The following POLR1F variants were observed in gnomAD, a reference collection of about 807,000 sequenced individuals.
POLR1F encodes RNA polymerase I subunit F.
Under a neutral mutation model 21.8 loss-of-function variants are expected in POLR1F, and 23 were observed. The observed-to-expected ratio is 1.05, with a 90% CI of 0.76 to 1.49. The LOEUF (loss-of-function observed/expected upper bound fraction) is 1.49. Ranked by LOEUF, POLR1F falls within the 40% of genes most tolerant of loss-of-function variation. The probability of loss-of-function intolerance (pLI) is 0.00; values close to 1 mark genes in which losing one functional copy is unlikely to be tolerated. For synonymous variants in POLR1F, 162 were observed against 152.8 expected (o/e 1.06, Z -0.45); for missense variants, 435 against 412.1 (o/e 1.06, Z -0.48).
chr7:19,705,833 G>C (rs957168764), intron 1 of POLR1F, among the ~76,000 whole-genome samples: 2 of 152,142 alleles, frequency 1.3e-5, no homozygotes, highest in African/African-American at 4.8e-5. Context: ...GAGCGACAGA[G>C]GGAGACTCCA....
chr7:19,698,222 CT>C lies in POLR1F; in HGVS notation c.*93del, dbSNP rs2128005888. The stretch of plus-strand genomic sequence containing the variant: ...TAAGTATTTTCTGTTTTGTAAACTA[CT>C]GGCATACTTAACCTTTTCATATCAC... On this transcript the variant is annotated 3_prime_UTR_variant, in exon 4 of 4. Transcript: ENST00000222567. The C allele has an allele frequency of 8.5e-7, 1 of 1,176,328 alleles. No homozygotes were observed. Among genetic ancestry groups the C allele is most frequent in the South Asian group, 2.4e-5 (1 of 42,210 alleles). The allele number at this position is 1,176,328 out of a possible 1,614,324, so 72.9% of individuals were successfully genotyped here. A position where few individuals can be genotyped will look rare whatever the true frequency, so the allele number is the denominator to read the frequency against.
chr7:19,697,193 C>G lies in POLR1F; in HGVS notation c.*1123G>C, dbSNP rs1046326983. 1 of 152,080 alleles carries G rather than the reference C, an allele frequency of 6.6e-6. No individual in the cohort carries two copies. The highest frequency in any genetic ancestry group is 1.9e-4 in the East Asian group (1 of 5,194). The allele number at this position is 152,080 out of a possible 1,614,324, so 9.4% of individuals were successfully genotyped here. ...TAACAGTGAGTGAACAATCCTCCCC[C>G]TTTTTTTCATACCACTTAATACAAT... On this transcript the variant is annotated 3_prime_UTR_variant, in exon 4 of 4. Coordinates refer to ENST00000222567, the MANE Select transcript of POLR1F (RefSeq NM_001002926.2).
chr7:19,696,217 A>G lies in POLR1F; in HGVS notation c.*2099T>C, dbSNP rs1783362230. 1 of 152,092 alleles carries G rather than the reference A, an allele frequency of 6.6e-6. No individual in the cohort carries two copies. The highest frequency in any genetic ancestry group is 1.5e-5 in the Non-Finnish European group (1 of 67,954). The allele number at this position is 152,092 out of a possible 1,614,324, so 9.4% of individuals were successfully genotyped here. A position where few individuals can be genotyped will look rare whatever the true frequency, so the allele number is the denominator to read the frequency against. Reference sequence around the variant, plus strand: ...GTCAGAAAGACAAACAAAAAAAACAATGAACAAAGTTATGCTATTCTAGGA... The same window carrying G: ...GTCAGAAAGACAAACAAAAAAAACAGTGAACAAAGTTATGCTATTCTAGGA... On this transcript the variant is annotated 3_prime_UTR_variant, in exon 4 of 4. Coordinates refer to ENST00000222567, the MANE Select transcript of POLR1F (RefSeq NM_001002926.2).
At chr7:19,704,737 T>C in intron 2 of POLR1F, 42 bp downstream of exon 2, 2 of 1,531,426 alleles carry the variant, frequency 1.3e-6, no homozygotes. Flanking sequence ...TACATAATTA[T>C]AGAATTATAC....
rs1012473507 is a variant in POLR1F at position 19,698,019 on chromosome 7, G to C, written c.*297C>G. 1.3e-5 allele frequency: 3 copies of C among 234,340 alleles called. No homozygotes were observed. Among genetic ancestry groups the C allele is most frequent in the Admixed American group, 1.1e-4 (2 of 18,512 alleles). The allele number at this position is 234,340 out of a possible 1,614,324, so 14.5% of individuals were successfully genotyped here. ...ATTGTATTATAAAGTCCTTTGGCTA[G>C]TCTTGACATTGTAGAAATAATTTTA... On this transcript the variant is annotated 3_prime_UTR_variant, in exon 4 of 4. Coordinates refer to ENST00000222567, the MANE Select transcript of POLR1F (RefSeq NM_001002926.2).
At chr7:19,705,300 T>A (rs532010399) in intron 1 of POLR1F, 1 of 159,418 alleles carries the variant, frequency 6.3e-6, no homozygotes, top group Admixed American at 6.5e-5. Context: ...TGACTCAAGA[T>A]ACACAGAAAC....
intron 2 of POLR1F, 99 bp from the exon 3 acceptor site, chr7:19,700,379 C>A: frequency 1.1e-6 from 1 of 880,802 alleles, no homozygotes; most frequent in Non-Finnish European, 1.8e-6. Flanking sequence ...CTTCAAAGAA[C>A]AAACATCAAA....
At position 19,699,322 on chromosome 7, in the gene POLR1F, T is replaced by C. The variant is rs76904094; in HGVS notation, c.606-595A>G. On this transcript the variant is annotated intron_variant, in intron 3 of 3. Transcript: ENST00000222567. ...CTTTCTCTCCAGAACTTCAGTCTTATACAGTAGCACTAGGCACATGTACCT... is the reference window on the plus strand; with the variant it reads ...CTTTCTCTCCAGAACTTCAGTCTTACACAGTAGCACTAGGCACATGTACCT... Among the ~76,000 whole-genome samples the C allele has an allele frequency of 6.7e-3, 1,026 of 152,288 alleles. 10 individuals are homozygous for C. The highest frequency in any genetic ancestry group is 0.021 in the African/African-American group (880 of 41,566).
chr7:19,698,683 T>A lies in POLR1F; in HGVS notation c.650A>T (p.Asn217Ile), dbSNP rs1406645471. 2.5e-6 allele frequency: 4 copies of A among 1,571,260 alleles called. No homozygotes were observed. In the Admixed American group the frequency reaches 6.4e-5, roughly 25 times the overall value. Reference sequence around the variant, plus strand: ...TTTTTTAGCAGCTTCCTCAGTGCCATTTTCTGTAACTTCTTCAGAAACTTC... The same window carrying A: ...TTTTTTAGCAGCTTCCTCAGTGCCAATTTCTGTAACTTCTTCAGAAACTTC... Reference protein sequence around the residue: ...RSEVSEEVTENGTEEAAKKPK... With the variant: ...RSEVSEEVTEIGTEEAAKKPK... Residue 217 changes from asparagine to isoleucine, a missense_variant, in exon 4 of 4, where the codon AAT becomes ATT. Coordinates refer to ENST00000222567, the MANE Select transcript of POLR1F (RefSeq NM_001002926.2).
chr7:19,702,566 T>C (rs539057401), intron 2 of POLR1F, among the ~76,000 whole-genome samples: 3 of 152,118 alleles, frequency 2.0e-5, no homozygotes, highest in African/African-American at 4.8e-5. Context: ...AAATGATAAA[T>C]TGGACCTCAT....
At chr7:19,706,431 G>A (rs1783525549) in intron 1 of POLR1F, among the ~76,000 whole-genome samples, 1 of 152,154 alleles carries the variant, frequency 6.6e-6, no homozygotes, top group Non-Finnish European at 1.5e-5. Flanking sequence ...ATTCTCAAGG[G>A]GAAGGAGGGC....
Position 19,704,904 on chromosome 7 carries a change from T to C in POLR1F, c.271A>G (p.Ile91Val), listed in dbSNP as rs769988179. Residue 91 changes from isoleucine (I) to valine (V), a missense_variant, in exon 2 of 4, where the codon ATT (isoleucine) becomes GTT (valine). By Grantham distance (29) the Ile-to-Val change is conservative. Transcript: ENST00000222567. ...ACAACTTTGATGTTATCATATGCAA[T>C]AGGGACACCTAAAAGGCTGTAAAAA... ...RYSESLLGVP[I>V]AYDNIKVVGE... 10 of 1,586,830 alleles carry C rather than the reference T, an allele frequency of 6.3e-6. No homozygotes were observed. Among genetic ancestry groups the C allele is most frequent in the African/African-American group, 4.1e-5 (3 of 73,016 alleles).
chr7:19,701,521 G>T (rs1451522285), intron 2 of POLR1F, among the ~76,000 whole-genome samples: 1 of 152,164 alleles, frequency 6.6e-6, no homozygotes, highest in Non-Finnish European at 1.5e-5. Context: ...AAATATTAGG[G>T]AAAGTTATAG....
In POLR1F at chr7:19,698,048, A is replaced by T. The variant is rs575503623; in HGVS notation, c.*268T>A. On this transcript the variant is annotated 3_prime_UTR_variant, in exon 4 of 4. Transcript: ENST00000222567. Reference sequence around the variant, plus strand: ...TGACATTGTAGAAATAATTTTATGTAGAGTGCAAAACCTGGAAGAATATGA... The same window carrying T: ...TGACATTGTAGAAATAATTTTATGTTGAGTGCAAAACCTGGAAGAATATGA... The T allele has an allele frequency of 2.1e-5, 6 of 283,524 alleles. No individual in the cohort carries two copies. The highest frequency in any genetic ancestry group is 4.3e-5 in the African/African-American group (2 of 46,114). The allele number at this position is 283,524 out of a possible 1,614,324, so 17.6% of individuals were successfully genotyped here. A position where few individuals can be genotyped will look rare whatever the true frequency, so the allele number is the denominator to read the frequency against.
chr7:19,704,934 A>T lies in POLR1F; in HGVS notation c.255-14T>A, dbSNP rs764557019. 6.4e-7 allele frequency: 1 copy of T among 1,551,324 alleles called. No homozygotes were observed. Among genetic ancestry groups the T allele is most frequent in the African/African-American group, 1.4e-5 (1 of 70,790 alleles). On this transcript the variant is annotated splice_polypyrimidine_tract_variant and intron_variant, in intron 1 of 3. Coordinates refer to ENST00000222567, the MANE Select transcript of POLR1F (RefSeq NM_001002926.2). The stretch of plus-strand genomic sequence containing the variant: ...ACACCTAAAAGGCTGTAAAAAGAAA[A>T]AGTTGAAAATGATACCTTTTATCGT...
At chr7:19,700,354 C>T (rs1306585648) in intron 2 of POLR1F, 74 bp from the exon 3 acceptor site, 23 of 1,096,924 alleles carry the variant, frequency 2.1e-5, no homozygotes, top group Non-Finnish European at 3.0e-5. Context: ...CCAAACTTTA[C>T]AAGCTTCAAA....
At chr7:19,708,573 G>T (rs1395179959) in intron 1 of POLR1F, among the ~76,000 whole-genome samples, 190 bp downstream of exon 1, 2 of 152,122 alleles carry the variant, frequency 1.3e-5, no homozygotes, top group East Asian at 3.9e-4. Flanking sequence ...TCTATGAAAG[G>T]GACCCTGTAT....
At position 19,695,921 on chromosome 7, in the gene POLR1F, T is replaced by C. The variant is rs1783356596; in HGVS notation, c.*2395A>G. ...AAACATTCATTGTTATTTGTACTTG[T>C]CATTTATACTTGTGTATCTTATAGA... On this transcript the variant is annotated 3_prime_UTR_variant, in exon 4 of 4. Transcript: ENST00000222567. 2 of 152,182 alleles carry C rather than the reference T, an allele frequency of 1.3e-5. No homozygotes were observed. Among genetic ancestry groups the C allele is most frequent in the Non-Finnish European group, 2.9e-5 (2 of 67,992 alleles). 9.4% of individuals were successfully genotyped at this position (152,182 alleles called of 1,614,324 possible).
chr7:19,703,822 G>C (rs566685827), intron 2 of POLR1F, among the ~76,000 whole-genome samples: 2 of 152,270 alleles, frequency 1.3e-5, no homozygotes, highest in East Asian at 3.9e-4. Context: ...TTAAACTCCT[G>C]GCCTCAAGTG....
Sources: gnomAD v4.1 joint callset for allele counts (sites outside exome capture counted in the v4.1 genomes callset) on GRCh38, gnomAD v4.1.1 for gene constraint, MANE v1.5 for transcripts, NCBI Gene and HGNC (gene_info 2026-07-23, HGNC 2026-07-21) for gene names.